Variants in ABCA13 observed in about 807,000 individuals in gnomAD.
ABCA13 encodes the protein ATP-binding cassette sub-family A member 13.
ABCA13 carries 476 observed loss-of-function variants against 478.7 expected under a neutral mutation model. The ratio of observed to expected loss-of-function variants is 0.99; its 90% CI spans 0.92 to 1.07. The LOEUF (loss-of-function observed/expected upper bound fraction) is 1.07. Among genes scored for constraint, ABCA13 ranks in the 50% least tolerant of loss-of-function variants. The pLI is 0.00. For missense variants in ABCA13, 6,060 were observed against 5,910.6 expected (o/e 1.03, Z -0.83); for synonymous variants, 2,252 against 2,158.9 (o/e 1.04, Z -1.20).
intron 1 of ABCA13, among the ~76,000 whole-genome samples, chr7:48,176,404 A>G (rs985142686): frequency 1.4e-4 from 22 of 152,118 alleles, no homozygotes. Context: ...ACAAAACTAC[A>G]CTGGCCACAG....
At position 48,575,321 on chromosome 7, in the gene ABCA13, A is replaced by C. The variant is rs1298826052; in HGVS notation, c.14355-4903A>C. On this transcript the variant is annotated intron_variant, in intron 55 of 61. Coordinates refer to ENST00000435803, the MANE Select transcript of ABCA13 (RefSeq NM_152701.5). Reference sequence around the variant, plus strand: ...TTAAATATAAGGGAATGGTTTTTTAAAAGTTGATACTCTAAAGACTTAAAG... The same window carrying C: ...TTAAATATAAGGGAATGGTTTTTTACAAGTTGATACTCTAAAGACTTAAAG... 3.9e-5 allele frequency among the ~76,000 whole-genome samples: 6 copies of C among 152,262 alleles called. No individual in the cohort carries two copies. In the East Asian group the frequency reaches 1.2e-3, roughly 29 times the overall value.
chr7:48,334,750 G>A (rs1805972538), intron 27 of ABCA13, among the ~76,000 whole-genome samples: 1 of 152,186 alleles, frequency 6.6e-6, no homozygotes, highest in African/African-American at 2.4e-5. Flanking sequence ...TGACCCTAGG[G>A]AGATGTGGTT....
chr7:48,188,300 T>C (rs1263218216), intron 1 of ABCA13, among the ~76,000 whole-genome samples: 1 of 152,256 alleles, frequency 6.6e-6, no homozygotes, highest in Non-Finnish European at 1.5e-5. Context: ...CATTTCTCTA[T>C]GTAGTCCTGG....
intron 31 of ABCA13, among the ~76,000 whole-genome samples, chr7:48,362,412 T>C (rs1176880868): frequency 1.2e-4 from 17 of 146,410 alleles, no homozygotes; most frequent in East Asian, 2.0e-4. Context: ...TCTTCTTCTT[T>C]TTTTTTTTTT....
chr7:48,256,354 A>G (rs1410479546), intron 15 of ABCA13, among the ~76,000 whole-genome samples: 1 of 151,902 alleles, frequency 6.6e-6, no homozygotes, highest in Non-Finnish European at 1.5e-5. Context: ...TGATATCTTC[A>G]TCTTGAAATC....
chr7:48,422,322 C>T, intron 41 of ABCA13, among the ~76,000 whole-genome samples: 1 of 151,890 alleles, frequency 6.6e-6, no homozygotes, highest in East Asian at 1.9e-4. Context: ...AGACAGCCTG[C>T]TGTCTTGTTA....
intron 42 of ABCA13, among the ~76,000 whole-genome samples, chr7:48,445,455 G>T (rs1166973361): frequency 3.3e-4 from 51 of 152,328 alleles, no homozygotes; most frequent in Admixed American, 3.0e-3. Flanking sequence ...GTCTATGCCA[G>T]TTGGACTCCT....
intron 35 of ABCA13, among the ~76,000 whole-genome samples, chr7:48,381,939 G>A (rs185724389): frequency 6.6e-6 from 1 of 152,338 alleles, no homozygotes; most frequent in East Asian, 1.9e-4. Context: ...AGAGCTGAGC[G>A]GCTTCCACGC....
At position 48,506,700 on chromosome 7, in the gene ABCA13, C is replaced by T. The variant is rs537480382; in HGVS notation, c.13346+310C>T. Reference sequence around the variant, plus strand: ...GACTGTACATCTTCTGAAGAGTTTTCGGGGTTAAAATCATAAACATTGCAT... The same window carrying T: ...GACTGTACATCTTCTGAAGAGTTTTTGGGGTTAAAATCATAAACATTGCAT... On this transcript the variant is annotated intron_variant, in intron 49 of 61. Transcript: ENST00000435803. Among the ~76,000 whole-genome samples, 12 of 152,270 alleles carry T rather than the reference C, an allele frequency of 7.9e-5. 1 individual carries two copies. Among genetic ancestry groups the T allele is most frequent in the East Asian group, 5.8e-4 (3 of 5,178 alleles).
chr7:48,368,796 C>CAT (rs1812180286), intron 32 of ABCA13, among the ~76,000 whole-genome samples: 1 of 146,488 alleles, frequency 6.8e-6, no homozygotes, highest in African/African-American at 2.5e-5. Flanking sequence ...CACACACACA[C>CAT]AGACATTTTC....
intron 41 of ABCA13, among the ~76,000 whole-genome samples, chr7:48,422,414 TG>T (rs1213823347): frequency 6.6e-6 from 1 of 152,208 alleles, no homozygotes; most frequent in Non-Finnish European, 1.5e-5. Flanking sequence ...TGTTATAGGA[TG>T]TCACAGAGCC....
chr7:48,438,449 G>A (rs1823136854), intron 42 of ABCA13, among the ~76,000 whole-genome samples: 1 of 151,976 alleles, frequency 6.6e-6, no homozygotes, highest in Non-Finnish European at 1.5e-5. Context: ...TTCCTAATCA[G>A]ACATCTTGCT....
At chr7:48,627,294 C>A (rs1373621698) in intron 59 of ABCA13, among the ~76,000 whole-genome samples, 2 of 141,144 alleles carry the variant, frequency 1.4e-5, no homozygotes, top group Non-Finnish European at 3.2e-5. Flanking sequence ...ATAGTCTCAA[C>A]CAACCTTATG....
Position 48,643,359 on chromosome 7 carries a change from A to G in ABCA13, c.14909A>G (p.His4970Arg), listed in dbSNP as rs1795236042. 2 of 1,613,628 alleles carry G rather than the reference A, an allele frequency of 1.2e-6. No individual in the cohort carries two copies. Among genetic ancestry groups the G allele is most frequent in the African/African-American group, 1.3e-5 (1 of 74,928 alleles). The part of the protein sequence containing the change: ...EANQHCTVSD[H>R]LKLYFPGIQF... ...AATCAACATTGCACTGTTTCTGACC[A>G]CTTGAAGCTTTATTTTCCAGGAATT... Residue 4970 changes from histidine to arginine, a missense_variant, in exon 60 of 62, where the codon CAC (histidine) becomes CGC (arginine). By Grantham distance (29) the His-to-Arg change is conservative. This residue lies in a region of ABCA13 where 1,627 missense variants were observed against 1,571.0 expected (regional missense o/e 1.04). Coordinates refer to ENST00000435803, the MANE Select transcript of ABCA13 (RefSeq NM_152701.5).
At position 48,341,923 on chromosome 7, in the gene ABCA13, A is replaced by C. The variant is rs1185912427; in HGVS notation, c.10204+3468A>C. Among the ~76,000 whole-genome samples the C allele has an allele frequency of 4.6e-4, 48 of 105,250 alleles. 1 individual carries two copies. Among genetic ancestry groups the C allele is most frequent in the Admixed American group, 2.2e-3 (21 of 9,490 alleles). The allele number at this position is 105,250 out of a possible 152,430, so 69.0% of individuals were successfully genotyped here. A position where few individuals can be genotyped will look rare whatever the true frequency, so the allele number is the denominator to read the frequency against. ...TTCTGATATATATATACTCATATAT[A>C]TATACTCATATATATATATTCATAT... On this transcript the variant is annotated intron_variant, in intron 29 of 61. Coordinates refer to ENST00000435803, the MANE Select transcript of ABCA13 (RefSeq NM_152701.5).
intron 47 of ABCA13, among the ~76,000 whole-genome samples, chr7:48,486,893 A>G (rs1057287669): frequency 6.6e-6 from 1 of 152,210 alleles, no homozygotes; most frequent in Non-Finnish European, 1.5e-5. Context: ...ATTGTGCCAC[A>G]TTCTATTGGC....
At chr7:48,320,426 TC>T (rs1200999729) in intron 27 of ABCA13, among the ~76,000 whole-genome samples, 1 of 152,246 alleles carries the variant, frequency 6.6e-6, no homozygotes, top group African/African-American at 2.4e-5. Context: ...AGCCTCCTGA[TC>T]AACTATTTTA....
chr7:48,646,909 T>G lies in ABCA13; in HGVS notation c.*1397T>G, dbSNP rs190293017. On this transcript the variant is annotated 3_prime_UTR_variant, in exon 62 of 62. Coordinates refer to ENST00000435803, the MANE Select transcript of ABCA13 (RefSeq NM_152701.5). The stretch of plus-strand genomic sequence containing the variant: ...CTTCAAAGCATTGTCAGATGTAGAG[T>G]GCTCAGATGTGGCTCTTAAAGACTA... 2 of 152,290 alleles carry G rather than the reference T, an allele frequency of 1.3e-5. No individual in the cohort carries two copies. The highest frequency in any genetic ancestry group is 3.9e-4 in the East Asian group (2 of 5,176). 9.4% of individuals were successfully genotyped at this position (152,290 alleles called of 1,614,324 possible).
chr7:48,426,694 C>T lies in ABCA13; in HGVS notation c.12460-1072C>T, dbSNP rs113339797. 7.9e-5 allele frequency among the ~76,000 whole-genome samples: 12 copies of T among 152,286 alleles called. 1 individual carries two copies. The highest frequency in any genetic ancestry group is 2.9e-4 in the African/African-American group (12 of 41,552). ...GGAAGGGGTGATGGAAGCACCTGCA[C>T]AGATGATGCTAAGGGAGAGAGTGGC... is the stretch of plus-strand genomic sequence containing the variant. On this transcript the variant is annotated intron_variant, in intron 41 of 61. Transcript: ENST00000435803.
Sources: gnomAD v4.1 joint callset for allele counts (sites outside exome capture counted in the v4.1 genomes callset) on GRCh38, gnomAD v4.1.1 for gene constraint, gnomAD v4.1.1 regional missense constraint, MANE v1.5 for transcripts, NCBI Gene and HGNC (gene_info 2026-07-23, HGNC 2026-07-21) for gene names.